Variants in FHIT observed in about 807,000 individuals in gnomAD.
FHIT encodes the protein fragile histidine triad diadenosine triphosphatase.
A neutral mutation model predicts 17.9 loss-of-function variants in FHIT; 19 were observed. That is an observed-to-expected ratio of 1.06 (90% CI 0.74 to 1.56). The LOEUF (loss-of-function observed/expected upper bound fraction) is 1.56, where lower values mean the gene tolerates loss of function less well. Ranked by LOEUF, FHIT falls within the 40% of genes most tolerant of loss-of-function variation. The probability of loss-of-function intolerance (pLI) is 0.00; values close to 1 mark genes in which losing one functional copy is unlikely to be tolerated. For synonymous variants in FHIT, 81 were observed against 69.7 expected (o/e 1.16, Z -0.81); for missense variants, 248 against 189.2 (o/e 1.31, Z -1.82).
At chr3:61,022,872 A>T (rs1559917595) in intron 3 of FHIT, among the ~76,000 whole-genome samples, 1 of 152,174 alleles carries the variant, frequency 6.6e-6, no homozygotes, top group Non-Finnish European at 1.5e-5. Context: ...TTTATGACAA[A>T]CCTACAGCCA....
intron 5 of FHIT, among the ~76,000 whole-genome samples, chr3:60,157,704 T>C (rs1700763130): frequency 6.6e-6 from 1 of 152,190 alleles, no homozygotes; most frequent in South Asian, 2.1e-4. Context: ...AAGTCCATCA[T>C]CTTCTCCCAT....
intron 3 of FHIT, among the ~76,000 whole-genome samples, chr3:60,960,192 C>T (rs781961233): frequency 1.3e-5 from 2 of 152,110 alleles, no homozygotes; most frequent in African/African-American, 2.4e-5. Context: ...CTATCTAACA[C>T]TTGGAATATC....
intron 5 of FHIT, among the ~76,000 whole-genome samples, chr3:60,199,098 A>G (rs1702779331): frequency 6.6e-6 from 1 of 152,176 alleles, no homozygotes; most frequent in South Asian, 2.1e-4. Flanking sequence ...TGTGCAAAAG[A>G]AGAGCAAATA....
At chr3:60,274,985 G>T (rs1707053508) in intron 5 of FHIT, among the ~76,000 whole-genome samples, 1 of 151,952 alleles carries the variant, frequency 6.6e-6, no homozygotes, top group African/African-American at 2.4e-5. Flanking sequence ...ACATTTATCT[G>T]TTTTTTAAAA....
At chr3:60,678,758 G>A (rs974072065) in intron 4 of FHIT, among the ~76,000 whole-genome samples, 4 of 152,076 alleles carry the variant, frequency 2.6e-5, no homozygotes, top group African/African-American at 9.7e-5. Context: ...CCCTAATTTT[G>A]TCCCAAGAGT....
chr3:60,283,511 G>C (rs1707567253), intron 5 of FHIT, among the ~76,000 whole-genome samples: 1 of 151,790 alleles, frequency 6.6e-6, no homozygotes, highest in Admixed American at 6.6e-5. Context: ...CTAATTCCAG[G>C]ACCCAATTTT....
chr3:59,889,967 T>G (rs1181715912), intron 8 of FHIT, among the ~76,000 whole-genome samples: 1 of 152,224 alleles, frequency 6.6e-6, no homozygotes, highest in Non-Finnish European at 1.5e-5. Context: ...CTCTCTTTCA[T>G]GTGAAAACTT....
At chr3:60,558,830 C>G (rs1185062498) in intron 4 of FHIT, among the ~76,000 whole-genome samples, 2 of 152,144 alleles carry the variant, frequency 1.3e-5, no homozygotes, top group South Asian at 4.1e-4. Context: ...CATGGAAAAC[C>G]TATTGCTCAT....
chr3:60,341,142 T>C (rs1710498084), intron 5 of FHIT, among the ~76,000 whole-genome samples: 1 of 152,104 alleles, frequency 6.6e-6, no homozygotes, highest in South Asian at 2.1e-4. Flanking sequence ...ATACGATGAG[T>C]ATATCCTTGA....
chr3:60,628,261 A>C (rs1173153711), intron 4 of FHIT, among the ~76,000 whole-genome samples: 2 of 152,182 alleles, frequency 1.3e-5, no homozygotes, highest in African/African-American at 4.8e-5. Flanking sequence ...AAGTTTCCAA[A>C]AATATGTTAG....
intron 5 of FHIT, among the ~76,000 whole-genome samples, chr3:60,297,773 G>A (rs113087197): frequency 4.6e-5 from 7 of 152,130 alleles, no homozygotes; most frequent in African/African-American, 1.4e-4. Flanking sequence ...TCCAACAGAC[G>A]CTAACTGGGT....
intron 1 of FHIT, among the ~76,000 whole-genome samples, chr3:61,234,569 AC>A (rs746860803): frequency 1.3e-5 from 2 of 152,236 alleles, no homozygotes; most frequent in Non-Finnish European, 2.9e-5. Flanking sequence ...TGCAATAAAA[AC>A]AATGGAAAAA....
chr3:59,763,333 G>C (rs1276338111), intron 8 of FHIT, among the ~76,000 whole-genome samples: 1 of 152,226 alleles, frequency 6.6e-6, no homozygotes, highest in Non-Finnish European at 1.5e-5. Flanking sequence ...ACAACTAAGA[G>C]AGGGAGGCAA....
intron 2 of FHIT, among the ~76,000 whole-genome samples, chr3:61,149,787 G>A (rs562124985): frequency 1.3e-5 from 2 of 152,226 alleles, no homozygotes; most frequent in South Asian, 4.1e-4. Context: ...GGCTGATGGG[G>A]GAGGATTGCT....
At position 60,094,631 on chromosome 3, in the gene FHIT, G is replaced by C. The variant is rs563787961; in HGVS notation, c.104-80479C>G. On this transcript the variant is annotated intron_variant, in intron 5 of 9. Coordinates refer to ENST00000492590, the MANE Select transcript of FHIT (RefSeq NM_002012.4). ...TCAGACACCTGTCAAAATGTAATAA[G>C]ACACCTGTGAAAGGGAAGTGATGCC... Among the ~76,000 whole-genome samples the C allele has an allele frequency of 3.9e-5, 6 of 152,238 alleles. No homozygotes were observed. In the East Asian group the frequency reaches 9.7e-4, roughly 25 times the overall value.
rs1490854339 is a variant in FHIT at position 60,924,927 on chromosome 3, G to T, written c.-110-102916C>A. On this transcript the variant is annotated intron_variant, in intron 3 of 9. Transcript: ENST00000492590. The stretch of plus-strand genomic sequence containing the variant: ...CGTGACGAATACACAAGTCTCAGTA[G>T]CCGATTCGATCAACTGGAAGAAAGG... Among the ~76,000 whole-genome samples, 6 of 152,292 alleles carry T rather than the reference G, an allele frequency of 3.9e-5. No homozygotes were observed. In the South Asian group the frequency reaches 1.0e-3, roughly 26 times the overall value.
chr3:60,555,805 G>A lies in FHIT; in HGVS notation c.-17-18826C>T, dbSNP rs180991195. Among the ~76,000 whole-genome samples, 7 of 152,306 alleles carry A rather than the reference G, an allele frequency of 4.6e-5. No individual in the cohort carries two copies. The East Asian group carries it at 1.4e-3, about 29-fold the overall frequency. On this transcript the variant is annotated intron_variant, in intron 4 of 9. Transcript: ENST00000492590. ...CTAACAAGCTAGCAGACTGAGACCG[G>A]CACCTGAATTCCATCACGTGGTTCC...
At chr3:60,374,995 C>T (rs1212576188) in intron 5 of FHIT, among the ~76,000 whole-genome samples, 11 of 151,202 alleles carry the variant, frequency 7.3e-5, no homozygotes, top group African/African-American at 2.7e-4. Flanking sequence ...TATTTGGAGC[C>T]TGAAAGGAGA....
At chr3:59,872,432 G>A (rs73839553) in intron 8 of FHIT, among the ~76,000 whole-genome samples, 2,680 of 152,230 alleles carry the variant, frequency 0.018, 77 homozygotes, top group African/African-American at 0.06. Context: ...CATGCCACGT[G>A]CTCATGTTTA....
Sources: gnomAD v4.1 joint callset for allele counts (sites outside exome capture counted in the v4.1 genomes callset) on GRCh38, gnomAD v4.1.1 for gene constraint, MANE v1.5 for transcripts, NCBI Gene and HGNC (gene_info 2026-07-23, HGNC 2026-07-21) for gene names.